LYPLAL1: variants seen among roughly 807,000 people sequenced by gnomAD.
The protein encoded by LYPLAL1 is lysophospholipase like 1.
In LYPLAL1, 23 loss-of-function variants were observed where a neutral mutation model predicts 19.7. The observed-to-expected ratio is 1.17, with a 90% CI of 0.84 to 1.65. LYPLAL1 has a LOEUF of 1.65. LYPLAL1 is among the 40% of genes most tolerant of loss of function. LYPLAL1 has a pLI of 0.00. For synonymous variants in LYPLAL1, 119 were observed against 96.3 expected, an observed-to-expected ratio of 1.24 and a Z score of -1.38; for missense variants, 355 against 279.4, an observed-to-expected ratio of 1.27 and a Z score of -1.93.
chr1:219,443,250 G>A, the LYPLAL1 span, among the ~76,000 whole-genome samples: 1 of 152,054 alleles, frequency 6.6e-6, no homozygotes, highest in African/African-American at 2.4e-5. Flanking sequence ...AATATTTATT[G>A]AGGGTTTTAT....
At chr1:219,215,942 G>T (rs1389960921), downstream of LYPLAL1, among the ~76,000 whole-genome samples, 1 of 152,014 alleles carries the variant, frequency 6.6e-6, no homozygotes, top group Non-Finnish European at 1.5e-5. Context: ...CCTTTAAAAA[G>T]ATTTTAAAAT....
intron 2 of LYPLAL1, among the ~76,000 whole-genome samples, chr1:219,188,919 T>C (rs1254305660): frequency 6.6e-6 from 1 of 151,806 alleles, no homozygotes; most frequent in Non-Finnish European, 1.5e-5. Context: ...CAAACTTTTA[T>C]ATTTTATTTA....
At chr1:219,412,149 A>T in the LYPLAL1 span, among the ~76,000 whole-genome samples, 1 of 152,156 alleles carries the variant, frequency 6.6e-6, no homozygotes, top group South Asian at 2.1e-4. Context: ...CCTGGGCTCA[A>T]GGGATCCTCT....
chr1:219,270,297 A>G, the LYPLAL1 span, among the ~76,000 whole-genome samples: 1 of 152,372 alleles, frequency 6.6e-6, no homozygotes, highest in South Asian at 2.1e-4. Context: ...TGAAAGAAAG[A>G]GAAGTGCTCT....
chr1:219,376,811 TACA>T, the LYPLAL1 span, among the ~76,000 whole-genome samples: 1 of 152,136 alleles, frequency 6.6e-6, no homozygotes, highest in South Asian at 2.1e-4. Flanking sequence ...CAGACACAAC[TACA>T]ACAACAAAAC....
chr1:219,388,294 C>T, the LYPLAL1 span, among the ~76,000 whole-genome samples: 10 of 152,268 alleles, frequency 6.6e-5, no homozygotes, highest in African/African-American at 2.2e-4. Context: ...CAGACTTTCT[C>T]AGAGATCCCA....
downstream of LYPLAL1, among the ~76,000 whole-genome samples, chr1:219,213,098 G>A (rs1659159435): frequency 6.6e-6 from 1 of 151,952 alleles, no homozygotes; most frequent in Admixed American, 6.6e-5. Context: ...GTAATATATT[G>A]TGGCTTAATT....
At chr1:219,308,889 G>A in the LYPLAL1 span, among the ~76,000 whole-genome samples, 1 of 152,220 alleles carries the variant, frequency 6.6e-6, no homozygotes, top group Admixed American at 6.5e-5. Context: ...AGAGCTGTGA[G>A]AAGAGAGCCA....
the LYPLAL1 span, among the ~76,000 whole-genome samples, chr1:219,411,250 G>A: frequency 1.0e-4 from 15 of 148,980 alleles, no homozygotes; most frequent in South Asian, 2.1e-4. Flanking sequence ...TGGTGAGGAC[G>A]TGGAGAGTCT....
the LYPLAL1 span, among the ~76,000 whole-genome samples, chr1:219,256,124 G>A: frequency 6.6e-6 from 1 of 151,764 alleles, no homozygotes; most frequent in Non-Finnish European, 1.5e-5. Context: ...CTCTACTATA[G>A]AAGAGTTTTT....
the LYPLAL1 span, among the ~76,000 whole-genome samples, chr1:219,339,043 G>A: frequency 6.6e-6 from 1 of 151,874 alleles, no homozygotes; most frequent in Non-Finnish European, 1.5e-5. Context: ...TAGGGTCAGA[G>A]ATAATCTAGA....
chr1:219,349,202 C>T, the LYPLAL1 span, among the ~76,000 whole-genome samples: 1 of 152,136 alleles, frequency 6.6e-6, no homozygotes, highest in African/African-American at 2.4e-5. Context: ...ACGTCTTGAC[C>T]CTCTTTATTT....
At chr1:219,304,271 C>T in the LYPLAL1 span, among the ~76,000 whole-genome samples, 2 of 152,170 alleles carry the variant, frequency 1.3e-5, no homozygotes, top group South Asian at 4.1e-4. Context: ...AAAAACAGTG[C>T]CATGCATTTA....
the LYPLAL1 span, among the ~76,000 whole-genome samples, chr1:219,350,108 A>C: frequency 6.6e-6 from 1 of 152,196 alleles, no homozygotes; most frequent in South Asian, 2.1e-4. Context: ...CTTCAAATTA[A>C]TTTGTGTGGA....
intron 2 of LYPLAL1, among the ~76,000 whole-genome samples, chr1:219,188,876 A>G (rs1342120810): frequency 6.6e-6 from 1 of 151,710 alleles, no homozygotes; most frequent in Non-Finnish European, 1.5e-5. Flanking sequence ...GAATGAGTAT[A>G]ACATATGTGA....
At chr1:219,388,232 T>C in the LYPLAL1 span, among the ~76,000 whole-genome samples, 2 of 152,000 alleles carry the variant, frequency 1.3e-5, no homozygotes, top group African/African-American at 4.8e-5. Flanking sequence ...ATATGGAGAG[T>C]GTTTTCTTGG....
chr1:219,358,614 G>C, the LYPLAL1 span, among the ~76,000 whole-genome samples: 1 of 152,020 alleles, frequency 6.6e-6, no homozygotes, highest in African/African-American at 2.4e-5. Flanking sequence ...GAGAGCAAAG[G>C]GGGAAGCACC....
chr1:219,354,632 T>G, the LYPLAL1 span, among the ~76,000 whole-genome samples: 1 of 151,988 alleles, frequency 6.6e-6, no homozygotes, highest in African/African-American at 2.4e-5. Context: ...AAGAAAGAAA[T>G]GTAAAAAGTA....
the LYPLAL1 span, among the ~76,000 whole-genome samples, chr1:219,336,094 G>A: frequency 1.0e-3 from 158 of 151,160 alleles, 1 homozygote; most frequent in South Asian, 2.3e-3. Flanking sequence ...AAACAGTGTT[G>A]ACAAAAAACT....
Sources: gnomAD v4.1 joint callset for allele counts (sites outside exome capture counted in the v4.1 genomes callset) on GRCh38, gnomAD v4.1.1 for gene constraint, MANE v1.5 for transcripts, NCBI Gene and HGNC (gene_info 2026-07-23, HGNC 2026-07-21) for gene names.